Variants in ZNF329 observed in about 807,000 individuals in gnomAD.
ZNF329 encodes zinc finger protein 329.
Under a neutral mutation model 26.6 loss-of-function variants are expected in ZNF329, and 15 were observed. The ratio of observed to expected loss-of-function variants is 0.56; its 90% CI spans 0.38 to 0.87. The LOEUF (loss-of-function observed/expected upper bound fraction) is 0.87, where lower values mean the gene tolerates loss of function less well. Among genes scored for constraint, ZNF329 ranks in the 40% least tolerant of loss-of-function variants. The pLI, the probability that ZNF329 is intolerant of heterozygous loss-of-function variation, is 0.00. For synonymous variants in ZNF329, 239 were observed against 233.5 expected (o/e 1.02, Z -0.21); for missense variants, 651 against 651.9 (o/e 1.00, Z 0.02).
chr19:58,139,469 T>A (rs1020963312), intron 3 of ZNF329, among the ~76,000 whole-genome samples: 1 of 152,176 alleles, frequency 6.6e-6, no homozygotes, highest in African/African-American at 2.4e-5. Flanking sequence ...GCATGATTGG[T>A]TCTGGTGAGG....
intron 1 of ZNF329, among the ~76,000 whole-genome samples, chr19:58,144,396 ATTT>A (rs367570171): frequency 1.1e-4 from 14 of 127,716 alleles, no homozygotes; most frequent in Non-Finnish European, 1.9e-4. Context: ...ATATATATAT[ATTT>A]TTTTTTTGAG....
At chr19:58,149,392 A>T (rs1263767620) in intron 1 of ZNF329, among the ~76,000 whole-genome samples, 2 of 152,146 alleles carry the variant, frequency 1.3e-5, no homozygotes, top group African/African-American at 4.8e-5. Flanking sequence ...CCAAGATATA[A>T]GAACCCTCTG....
At chr19:58,141,066 G>T (rs976155704) in intron 3 of ZNF329, among the ~76,000 whole-genome samples, 2 of 151,952 alleles carry the variant, frequency 1.3e-5, no homozygotes, top group Non-Finnish European at 1.5e-5. Context: ...ATGTTGGCCA[G>T]GCTGGTCCTA....
In ZNF329 at chr19:58,129,166, C is replaced by T; in HGVS notation, c.338G>A (p.Ser113Asn). The T allele has an allele frequency of 6.2e-7, 1 of 1,614,174 alleles. No individual in the cohort carries two copies. Among genetic ancestry groups the T allele is most frequent in the African/African-American group, 1.3e-5 (1 of 75,032 alleles). The change falls in exon 4 of 4, where the codon AGT (serine) becomes AAT (asparagine). Residue 113 changes from serine (S) to asparagine (N), a missense_variant. Ser to Asn is a conservative substitution (Grantham distance 46). Coordinates refer to ENST00000598312, the MANE Select transcript of ZNF329 (RefSeq NM_024620.4). Reference sequence around the variant, plus strand: ...GTCACCAGTTCTCTTATCTGCATAACTTTTAGGATAGCTGGGTAAGGCGGG... The same window carrying T: ...GTCACCAGTTCTCTTATCTGCATAATTTTTAGGATAGCTGGGTAAGGCGGG... ...CDPALPSYPK[S>N]YADKRTGDSD... is the part of the protein sequence containing the mutation.
At chr19:58,153,170 C>A (rs1017634884), upstream of ZNF329, among the ~76,000 whole-genome samples, 7 of 152,076 alleles carry the variant, frequency 4.6e-5, no homozygotes, top group South Asian at 1.5e-3. Context: ...AGTGCAGTGA[C>A]AAGATCTCAG....
chr19:58,148,351 C>G (rs371639349), intron 1 of ZNF329, among the ~76,000 whole-genome samples: 1 of 146,248 alleles, frequency 6.8e-6, no homozygotes, highest in Admixed American at 6.9e-5. Flanking sequence ...TATGACCCTG[C>G]CAAATCCCCC....
At position 58,126,601 on chromosome 19, in the gene ZNF329, A is replaced by G. The variant is rs112501399; in HGVS notation, c.*1277T>C. On this transcript the variant is annotated 3_prime_UTR_variant, in exon 4 of 4. Transcript: ENST00000598312. ...CTCAGTATTTTTGCTTCAACAACTA[A>G]AGCAACAAACCACATCTGTTAGAAG... 9.8e-5 allele frequency: 15 copies of G among 152,336 alleles called. No homozygotes were observed. The highest frequency in any genetic ancestry group is 3.6e-4 in the African/African-American group (15 of 41,570). 9.4% of individuals were successfully genotyped at this position (152,336 alleles called of 1,614,324 possible).
intron 3 of ZNF329, among the ~76,000 whole-genome samples, chr19:58,131,138 TGTGC>T (rs1338968891): frequency 2.6e-5 from 4 of 151,464 alleles, no homozygotes; most frequent in African/African-American, 9.8e-5. Context: ...TGTGTGTGTG[TGTGC>T]GCGTGTATTT....
chr19:58,154,408 C>G (rs1295695418), upstream of ZNF329, among the ~76,000 whole-genome samples: 1 of 152,170 alleles, frequency 6.6e-6, no homozygotes, highest in Non-Finnish European at 1.5e-5. Flanking sequence ...GGATAAAGAG[C>G]CGGATCAGCT....
chr19:58,134,281 T>C (rs533331906), intron 3 of ZNF329, among the ~76,000 whole-genome samples: 3 of 152,024 alleles, frequency 2.0e-5, no homozygotes, highest in East Asian at 1.9e-4. Context: ...TTGAAAAACA[T>C]TGTAGAGGGA....
At chr19:58,143,019 G>A (rs2075221308) in intron 2 of ZNF329, 86 bp downstream of exon 2, 1 of 152,536 alleles carries the variant, frequency 6.6e-6, no homozygotes, top group African/African-American at 2.4e-5. Context: ...GGGAGGTTGA[G>A]GCAGGAGGAT....
intron 3 of ZNF329, among the ~76,000 whole-genome samples, chr19:58,134,331 G>A (rs1029192693): frequency 3.3e-5 from 5 of 152,092 alleles, no homozygotes; most frequent in Admixed American, 1.3e-4. Flanking sequence ...CAAAAAACCC[G>A]ATCAATCCAG....
intron 1 of ZNF329, among the ~76,000 whole-genome samples, chr19:58,148,113 A>C (rs911979668): frequency 1.3e-5 from 2 of 151,868 alleles, no homozygotes; most frequent in Non-Finnish European, 2.9e-5. Flanking sequence ...TGCTCTCTGA[A>C]ACATGTGCTG....
At position 58,129,063 on chromosome 19, in the gene ZNF329, G is replaced by A; in HGVS notation, c.441C>T (p.Tyr147=). The A allele has an allele frequency of 1.2e-6, 2 of 1,613,938 alleles. No homozygotes were observed. Among genetic ancestry groups the A allele is most frequent in the Non-Finnish European group, 8.5e-7 (1 of 1,180,020 alleles). The change falls in exon 4 of 4, where the codon TAC becomes TAT. Residue 147 remains tyrosine (Y), a synonymous_variant. Coordinates refer to ENST00000598312, the MANE Select transcript of ZNF329 (RefSeq NM_024620.4). ...AAGACTTAACACTTTCAGGGTATTT[G>A]TAGGGCTTCTCTCTCACTGGATTTC... is the stretch of plus-strand genomic sequence containing the variant. ...HGRNPVREKP[Y]KYPESVKSFN...
intron 3 of ZNF329, among the ~76,000 whole-genome samples, chr19:58,130,250 T>C (rs1600049566): frequency 6.9e-6 from 1 of 145,624 alleles, no homozygotes; most frequent in South Asian, 2.2e-4. Flanking sequence ...TTCAACCTGG[T>C]AGGCAGAGGT....
chr19:58,131,117 A>ATG (rs773249139), intron 3 of ZNF329, among the ~76,000 whole-genome samples: 22 of 146,910 alleles, frequency 1.5e-4, no homozygotes, highest in South Asian at 2.2e-4. Flanking sequence ...GTATATGTGT[A>ATG]TATGTGTGTG....
chr19:58,145,999 T>TTA (rs1568674281), intron 1 of ZNF329, among the ~76,000 whole-genome samples: 3 of 115,954 alleles, frequency 2.6e-5, no homozygotes, highest in African/African-American at 1.1e-4. Context: ...ATCAATTTCA[T>TTA]GAAAAAAAAA....
rs769884776 is a variant in ZNF329 at position 58,128,477 on chromosome 19, A to T, written c.1027T>A (p.Tyr343Asn). 6.2e-7 allele frequency: 1 copy of T among 1,613,794 alleles called. No homozygotes were observed. The highest frequency in any genetic ancestry group is 8.5e-7 in the Non-Finnish European group (1 of 1,179,812). Residue 343 changes from tyrosine (Y) to asparagine (N), a missense_variant, in exon 4 of 4, where the codon TAT (tyrosine) becomes AAT (asparagine). By Grantham distance (143) the Tyr-to-Asn change is moderately radical (BLOSUM62 -2). Coordinates refer to ENST00000598312, the MANE Select transcript of ZNF329 (RefSeq NM_024620.4). ...HLRIHTGEKP[Y>N]ECSKCGKAFR... ...GCCTTTCCACATTTGCTACACTCAT[A>T]GGGCTTCTCACCGGTGTGGATTCTG... is the stretch of plus-strand genomic sequence containing the variant.
At chr19:58,144,841 AT>A (rs1310936543) in intron 1 of ZNF329, among the ~76,000 whole-genome samples, 6 of 129,612 alleles carry the variant, frequency 4.6e-5, no homozygotes, top group African/African-American at 1.5e-4. Flanking sequence ...CACCTGGATA[AT>A]TTTTTTTCTT....
Sources: allele counts gnomAD v4.1 joint callset (sites outside exome capture counted in the v4.1 genomes callset), GRCh38; gene constraint gnomAD v4.1.1; transcripts MANE v1.5; gene names NCBI Gene and HGNC (gene_info 2026-07-23, HGNC 2026-07-21).